Variants in MACROD2 observed in about 807,000 individuals in gnomAD.
MACROD2 encodes mono-ADP ribosylhydrolase 2.
Under a neutral mutation model 70.4 loss-of-function variants are expected in MACROD2, and 36 were observed. The ratio of observed to expected loss-of-function variants is 0.51; its 90% CI spans 0.39 to 0.68. MACROD2 has a LOEUF of 0.68. Ranked by LOEUF, MACROD2 falls within the 30% of genes least tolerant of loss-of-function variation. The pLI is 0.00. For synonymous variants in MACROD2, 172 were observed against 178.8 expected (o/e 0.96, Z 0.30); for missense variants, 496 against 538.4 (o/e 0.92, Z 0.78).
intron 5 of MACROD2, among the ~76,000 whole-genome samples, chr20:14,785,186 C>A (rs773767994): frequency 8.6e-5 from 13 of 151,868 alleles, no homozygotes; most frequent in Non-Finnish European, 1.8e-4. Flanking sequence ...CACACACACA[C>A]CCACACACAC....
At chr20:14,150,961 T>C (rs2055011832) in intron 3 of MACROD2, among the ~76,000 whole-genome samples, 1 of 152,208 alleles carries the variant, frequency 6.6e-6, no homozygotes, top group South Asian at 2.1e-4. Flanking sequence ...TAGTGGAGAA[T>C]TCTGCTGAAT....
At chr20:15,969,836 G>A (rs2066202611) in intron 13 of MACROD2, among the ~76,000 whole-genome samples, 1 of 151,710 alleles carries the variant, frequency 6.6e-6, no homozygotes, top group African/African-American at 2.4e-5. Context: ...TGTTCCAAAA[G>A]CCCTTTGAAC....
intron 3 of MACROD2, among the ~76,000 whole-genome samples, chr20:14,406,122 C>A (rs1216619591): frequency 2.0e-5 from 3 of 152,000 alleles, no homozygotes; most frequent in Non-Finnish European, 1.5e-5. Flanking sequence ...TCATGAGGAC[C>A]TGTTTGACAA....
At chr20:15,828,937 A>G (rs1288854272) in intron 8 of MACROD2, among the ~76,000 whole-genome samples, 1 of 152,230 alleles carries the variant, frequency 6.6e-6, no homozygotes, top group Non-Finnish European at 1.5e-5. Flanking sequence ...GTTTGTAAAT[A>G]CCATAATTTT....
intron 17 of MACROD2, among the ~76,000 whole-genome samples, chr20:16,049,504 T>G (rs1283856391): frequency 6.6e-6 from 1 of 152,176 alleles, no homozygotes. Context: ...AGTGTGAGCA[T>G]GGGCCTGAAA....
intron 8 of MACROD2, among the ~76,000 whole-genome samples, chr20:15,817,960 C>T (rs1413846758): frequency 6.6e-6 from 1 of 152,160 alleles, no homozygotes; most frequent in Non-Finnish European, 1.5e-5. Context: ...AAAAGCTATG[C>T]TTTCTTTTTC....
intron 5 of MACROD2, among the ~76,000 whole-genome samples, chr20:15,204,732 G>A (rs1200738541): frequency 6.6e-6 from 1 of 152,080 alleles, no homozygotes; most frequent in Non-Finnish European, 1.5e-5. Flanking sequence ...AGAACATAAT[G>A]CATTAGTTGG....
chr20:15,063,963 C>T (rs1264190785), intron 5 of MACROD2, among the ~76,000 whole-genome samples: 2 of 152,100 alleles, frequency 1.3e-5, no homozygotes, highest in Admixed American at 6.5e-5. Context: ...GGTTAATAGT[C>T]CCCACATGTT....
intron 8 of MACROD2, among the ~76,000 whole-genome samples, chr20:15,730,457 G>C (rs1020457493): frequency 2.6e-5 from 4 of 152,266 alleles, no homozygotes; most frequent in African/African-American, 7.2e-5. Flanking sequence ...ATAAAGCTTA[G>C]TTTGGCTGGA....
At chr20:15,073,436 G>T (rs2075633887) in intron 5 of MACROD2, among the ~76,000 whole-genome samples, 1 of 147,786 alleles carries the variant, frequency 6.8e-6, no homozygotes, top group African/African-American at 2.5e-5. Context: ...CCAAAGACTT[G>T]CACAATTATT....
intron 9 of MACROD2, among the ~76,000 whole-genome samples, chr20:15,879,784 T>A (rs2064728175): frequency 6.6e-6 from 1 of 152,094 alleles, no homozygotes; most frequent in Non-Finnish European, 1.5e-5. Flanking sequence ...GATCTGCAGT[T>A]GGCAAGTGTG....
rs148497754 is a variant in MACROD2 at position 15,005,634 on chromosome 20, T to C, written c.419-224306T>C. Among the ~76,000 whole-genome samples the C allele has an allele frequency of 1.7e-3, 254 of 152,312 alleles. 3 individuals are homozygous for C. The highest frequency in any genetic ancestry group is 5.6e-3 in the African/African-American group (232 of 41,578). ...TCCCCCACAAGGTAGTTCTTCTATC[T>C]TTAGGTGCTTTCCAGGATTTGGCCA... On this transcript the variant is annotated intron_variant, in intron 5 of 17. Transcript: ENST00000684519.
chr20:14,548,040 A>G (rs1458287438), intron 4 of MACROD2, among the ~76,000 whole-genome samples: 1 of 152,176 alleles, frequency 6.6e-6, no homozygotes, highest in Non-Finnish European at 1.5e-5. Context: ...ACTCAGAATT[A>G]AAGTGATGGT....
intron 5 of MACROD2, among the ~76,000 whole-genome samples, chr20:14,876,096 T>C (rs2073547501): frequency 6.6e-6 from 1 of 152,178 alleles, no homozygotes; most frequent in Non-Finnish European, 1.5e-5. Flanking sequence ...ACCAACAAAG[T>C]ATAAGCATTC....
intron 8 of MACROD2, among the ~76,000 whole-genome samples, chr20:15,640,691 T>C (rs530238519): frequency 1.1e-3 from 173 of 152,356 alleles, no homozygotes; most frequent in African/African-American, 4.1e-3. Context: ...GAAGGACAGA[T>C]GTGATGCTGT....
intron 5 of MACROD2, among the ~76,000 whole-genome samples, chr20:14,933,326 A>G (rs1001128809): frequency 2.0e-5 from 3 of 152,204 alleles, no homozygotes; most frequent in Admixed American, 2.0e-4. Flanking sequence ...CTTTCAAATT[A>G]TGTTCTCTGA....
chr20:15,094,161 T>C (rs2075812051), intron 5 of MACROD2, among the ~76,000 whole-genome samples: 1 of 152,212 alleles, frequency 6.6e-6, no homozygotes, highest in African/African-American at 2.4e-5. Context: ...AAGTGTCAGT[T>C]AGATATATGT....
intron 8 of MACROD2, chr20:15,619,675 T>G: frequency 3.5e-6 from 1 of 286,668 alleles, no homozygotes; most frequent in Non-Finnish European, 6.9e-6. Context: ...TCGGAGTCCC[T>G]TCATAAGGAA....
chr20:16,018,368 G>C (rs1432666900), intron 15 of MACROD2, among the ~76,000 whole-genome samples: 1 of 152,014 alleles, frequency 6.6e-6, no homozygotes, highest in East Asian at 1.9e-4. Context: ...ATATGTAATG[G>C]TTCCTGTGAG....
Sources: allele counts gnomAD v4.1 joint callset (sites outside exome capture counted in the v4.1 genomes callset), GRCh38; gene constraint gnomAD v4.1.1; transcripts MANE v1.5; gene names NCBI Gene and HGNC (gene_info 2026-07-23, HGNC 2026-07-21).